Variants in RXFP2 observed in about 807,000 individuals in gnomAD.
The protein encoded by RXFP2 is relaxin family peptide receptor 2.
A neutral mutation model predicts 88.6 loss-of-function variants in RXFP2; 68 were observed. The observed-to-expected ratio is 0.77, with a 90% CI of 0.63 to 0.94. The LOEUF (loss-of-function observed/expected upper bound fraction) is 0.94, where lower values mean the gene tolerates loss of function less well. Ranked by LOEUF, RXFP2 falls within the 40% of genes least tolerant of loss-of-function variation. The pLI is 0.00. For missense variants in RXFP2, 791 were observed against 893.9 expected (o/e 0.88, Z 1.47); for synonymous variants, 329 against 306.8 (o/e 1.07, Z -0.76).
chr13:31,793,872 A>G (rs1041344636), intron 16 of RXFP2, among the ~76,000 whole-genome samples: 2 of 152,066 alleles, frequency 1.3e-5, no homozygotes, highest in Non-Finnish European at 2.9e-5. Flanking sequence ...TGCTCCTTCC[A>G]GTCTCTACCC....
At chr13:31,776,097 T>TTTCCTTCCTTCC (rs1566227779) in intron 7 of RXFP2, among the ~76,000 whole-genome samples, 1 of 112,824 alleles carries the variant, frequency 8.9e-6, no homozygotes, top group Non-Finnish European at 1.8e-5. Context: ...TCTTTCTTTC[T>TTTCCTTCCTTCC]TTTCTTTTCT....
At chr13:31,746,764 A>ATATATAT (rs750419725) in intron 1 of RXFP2, among the ~76,000 whole-genome samples, 36,827 of 151,868 alleles carry the variant, frequency 0.24, 4,695 homozygotes, top group South Asian at 0.41. Flanking sequence ...ACAGGCTAAA[A>ATATATAT]AATAATATAT....
chr13:31,756,735 C>T (rs1159726947), intron 1 of RXFP2, among the ~76,000 whole-genome samples: 1 of 151,620 alleles, frequency 6.6e-6, no homozygotes, highest in African/African-American at 2.4e-5. Context: ...AACTCTTCTG[C>T]CTCAGCCTCC....
intron 1 of RXFP2, among the ~76,000 whole-genome samples, chr13:31,753,906 G>A (rs1235860578): frequency 6.6e-6 from 1 of 151,536 alleles, no homozygotes; most frequent in Non-Finnish European, 1.5e-5. Context: ...AGAGATGGAA[G>A]CCACAGAGAG....
At position 31,792,676 on chromosome 13, in the gene RXFP2, A is replaced by G; in HGVS notation, c.1376-2A>G. On this transcript the variant is annotated splice_acceptor_variant, in intron 15 of 17. Transcript: ENST00000298386. LOFTEE classifies it high-confidence loss of function. ...ACATACACTGTTTCAATTCTTCCACAGGTGCTGATTGCCTGATGGGTGTTT... is the reference window on the plus strand; with the variant it reads ...ACATACACTGTTTCAATTCTTCCACGGGTGCTGATTGCCTGATGGGTGTTT... 5.6e-6 allele frequency: 9 copies of G among 1,613,960 alleles called. No individual in the cohort carries two copies. Among genetic ancestry groups the G allele is most frequent in the Non-Finnish European group, 7.6e-6 (9 of 1,179,852 alleles).
chr13:31,789,187 C>T lies in RXFP2; in HGVS notation c.1139C>T (p.Ser380Phe). Reference sequence around the variant, plus strand: ...ATGTTTCAACCCATGAAGAATCTTTCTCACATGTACGTATGTATAAAAAAT... The same window carrying T: ...ATGTTTCAACCCATGAAGAATCTTTTTCACATGTACGTATGTATAAAAAAT... Reference protein sequence around the residue: ...TRMFQPMKNLSHIYFKNFRYC... With the variant: ...TRMFQPMKNLFHIYFKNFRYC... Residue 380 changes from serine (S) to phenylalanine (F), a missense_variant, in exon 14 of 18, where the codon TCT becomes TTT. Transcript: ENST00000298386. 1 of 1,592,552 alleles carries T rather than the reference C, an allele frequency of 6.3e-7. No homozygotes were observed. The highest frequency in any genetic ancestry group is 8.6e-7 in the Non-Finnish European group (1 of 1,161,832).
chr13:31,742,256 G>GCCGAGA (rs1388927833), intron 1 of RXFP2, among the ~76,000 whole-genome samples: 26 of 152,216 alleles, frequency 1.7e-4, no homozygotes, highest in Admixed American at 4.6e-4. Flanking sequence ...CCAAAACCGG[G>GCCGAGA]CCCGAACAGT....
chr13:31,755,043 C>G (rs908360989), intron 1 of RXFP2, among the ~76,000 whole-genome samples: 1 of 152,224 alleles, frequency 6.6e-6, no homozygotes, highest in Non-Finnish European at 1.5e-5. Flanking sequence ...ATCAGCTTGT[C>G]TAGTCCCCAA....
At chr13:31,748,800 C>A (rs1871536302) in intron 1 of RXFP2, among the ~76,000 whole-genome samples, 1 of 152,080 alleles carries the variant, frequency 6.6e-6, no homozygotes, top group Admixed American at 6.6e-5. Context: ...ACCTGGCCAA[C>A]ATGGTGAAAC....
Position 31,796,038 on chromosome 13 carries a change from C to CTTTTTTTTTTTT in RXFP2, c.1787-1145_1787-1134dup, listed in dbSNP as rs776535132. Among the ~76,000 whole-genome samples the CTTTTTTTTTTTT allele has an allele frequency of 5.7e-4, 21 of 36,980 alleles. 3 individuals are homozygous for CTTTTTTTTTTTT. Among genetic ancestry groups the CTTTTTTTTTTTT allele is most frequent in the African/African-American group, 1.2e-3 (10 of 8,214 alleles). The allele number at this position is 36,980 out of a possible 152,430, so 24.3% of individuals were successfully genotyped here. On this transcript the variant is annotated intron_variant, in intron 16 of 17. Coordinates refer to ENST00000298386, the MANE Select transcript of RXFP2 (RefSeq NM_130806.5). ...ATACATTTTTGTTCTATGTGTTATT[C>CTTTTTTTTTTTT]TTTTTTTTTTTTTTTTTTTTTTTTT...
intron 1 of RXFP2, among the ~76,000 whole-genome samples, chr13:31,745,068 G>A (rs1171131459): frequency 6.6e-6 from 1 of 151,998 alleles, no homozygotes; most frequent in Non-Finnish European, 1.5e-5. Flanking sequence ...TACTTGGGAG[G>A]CTAAGGCAGA....
intron 15 of RXFP2, 27 bp from the exon 16 acceptor site, chr13:31,792,651 A>T: frequency 6.2e-7 from 1 of 1,610,368 alleles, no homozygotes; most frequent in Non-Finnish European, 8.5e-7. Context: ...GAAACTGATG[A>T]CATACACTGT....
chr13:31,790,563 G>C (rs1170920884), intron 14 of RXFP2, among the ~76,000 whole-genome samples: 1 of 152,200 alleles, frequency 6.6e-6, no homozygotes, highest in East Asian at 1.9e-4. Context: ...ACCTACACGT[G>C]CCAGGCACTG....
chr13:31,741,775 A>G (rs1467422909), intron 1 of RXFP2, among the ~76,000 whole-genome samples: 1 of 152,210 alleles, frequency 6.6e-6, no homozygotes, highest in Non-Finnish European at 1.5e-5. Flanking sequence ...ATCTCTGTTA[A>G]CCAGCTTCAA....
At position 31,739,586 on chromosome 13, in the gene RXFP2, G is replaced by A. The variant is rs372157314; in HGVS notation, c.-27G>A. 1.4e-4 allele frequency: 192 copies of A among 1,419,170 alleles called. No individual in the cohort carries two copies. The Admixed American group carries it at 1.4e-3, about 10-fold the overall frequency. 87.9% of individuals were successfully genotyped at this position (1,419,170 alleles called of 1,614,324 possible). A position where few individuals can be genotyped will look rare whatever the true frequency, so the allele number is the denominator to read the frequency against. ...CTCCTGCTGAGGTATAAGAGGATAC[G>A]TCTAATAACTCAATTGCTGTAAACC... On this transcript the variant is annotated 5_prime_UTR_variant, in exon 1 of 18. Coordinates refer to ENST00000298386, the MANE Select transcript of RXFP2 (RefSeq NM_130806.5).
At chr13:31,796,038 CTTTTTT>C (rs776535132) in intron 16 of RXFP2, among the ~76,000 whole-genome samples, 3 of 36,978 alleles carry the variant, frequency 8.1e-5, no homozygotes, top group East Asian at 2.2e-3. Context: ...ATGTGTTATT[CTTTTTT>C]TTTTTTTTTT....
In RXFP2 at chr13:31,773,085, T is replaced by A. The variant is rs1016370929; in HGVS notation, c.498-1535T>A. 3.9e-5 allele frequency among the ~76,000 whole-genome samples: 6 copies of A among 152,234 alleles called. No individual in the cohort carries two copies. In the East Asian group the frequency reaches 1.2e-3, roughly 29 times the overall value. ...AATTCATCATATTAACTTCATTGCA[T>A]CAGTCTCAAGGCTCTGAAAGTGCTA... On this transcript the variant is annotated intron_variant, in intron 5 of 17. Coordinates refer to ENST00000298386, the MANE Select transcript of RXFP2 (RefSeq NM_130806.5).
intron 1 of RXFP2, among the ~76,000 whole-genome samples, chr13:31,750,251 G>A (rs1358960): frequency 2.3e-3 from 349 of 152,200 alleles, no homozygotes; most frequent in African/African-American, 7.9e-3. Flanking sequence ...AAGTTTCACC[G>A]TCTCATCAGC....
At chr13:31,750,084 A>T (rs1039159188) in intron 1 of RXFP2, among the ~76,000 whole-genome samples, 3 of 152,192 alleles carry the variant, frequency 2.0e-5, no homozygotes, top group Non-Finnish European at 4.4e-5. Context: ...GGAGCCTCTC[A>T]TAAACGGAGT....
Sources: gnomAD v4.1 joint callset for allele counts (sites outside exome capture counted in the v4.1 genomes callset) on GRCh38, gnomAD v4.1.1 for gene constraint, MANE v1.5 for transcripts, NCBI Gene and HGNC (gene_info 2026-07-23, HGNC 2026-07-21) for gene names.